CAMTA1: variants seen among roughly 807,000 people sequenced by gnomAD.
CAMTA1 encodes the protein calmodulin binding transcription activator 1.
CAMTA1 carries 27 observed loss-of-function variants against 170.9 expected under a neutral mutation model. The ratio of observed to expected loss-of-function variants is 0.16; its 90% CI spans 0.12 to 0.22. The LOEUF (loss-of-function observed/expected upper bound fraction) is 0.22. CAMTA1 is among the 10% of genes least tolerant of loss of function. The pLI, the probability that CAMTA1 is intolerant of heterozygous loss-of-function variation, is 1.00. For missense variants in CAMTA1, 1,619 were observed against 2,217.2 expected (o/e 0.73, Z 5.42); for synonymous variants, 833 against 891.5 (o/e 0.93, Z 1.17).
intron 22 of CAMTA1, among the ~76,000 whole-genome samples, chr1:7,757,182 TA>T (rs2096937469): frequency 2.0e-5 from 3 of 152,242 alleles, no homozygotes; most frequent in South Asian, 4.1e-4. Flanking sequence ...TTATTTATTA[TA>T]TTTTAACCCA....
chr1:6,863,324 T>G (rs1034861076), intron 3 of CAMTA1, among the ~76,000 whole-genome samples: 1 of 152,160 alleles, frequency 6.6e-6, no homozygotes, highest in African/African-American at 2.4e-5. Context: ...ATCTCCCCAT[T>G]CCCTCCCCAA....
intron 6 of CAMTA1, among the ~76,000 whole-genome samples, chr1:7,591,797 C>T (rs1403784926): frequency 2.0e-5 from 3 of 152,254 alleles, no homozygotes; most frequent in Non-Finnish European, 4.4e-5. Context: ...TTCCTGCAAA[C>T]AAGCCAAGCT....
At chr1:7,011,985 G>A (rs534562958) in intron 3 of CAMTA1, among the ~76,000 whole-genome samples, 11 of 152,258 alleles carry the variant, frequency 7.2e-5, no homozygotes, top group Non-Finnish European at 1.2e-4. Context: ...TGCTCAGGGG[G>A]CCCCTTCCCA....
At chr1:6,809,858 C>T (rs1644966711) in intron 1 of CAMTA1, among the ~76,000 whole-genome samples, 2 of 152,124 alleles carry the variant, frequency 1.3e-5, no homozygotes, top group African/African-American at 2.4e-5. Flanking sequence ...GTTGAGTAGA[C>T]TGAAGACTAA....
intron 3 of CAMTA1, among the ~76,000 whole-genome samples, chr1:6,969,341 G>A (rs975361498): frequency 5.9e-5 from 9 of 152,162 alleles, no homozygotes; most frequent in Admixed American, 2.0e-4. Context: ...AGCTAGAAGG[G>A]GCAAGGAACG....
At position 7,038,751 on chromosome 1, in the gene CAMTA1, T is replaced by C. The variant is rs557758643; in HGVS notation, c.235-52553T>C. ...TATTGTATGTACCCATTTATATAAA[T>C]AACAAAGGCTGGGCGTGGTGGCTCA... On this transcript the variant is annotated intron_variant, in intron 3 of 22. Coordinates refer to ENST00000303635, the MANE Select transcript of CAMTA1 (RefSeq NM_015215.4). Among the ~76,000 whole-genome samples the C allele has an allele frequency of 7.2e-5, 11 of 152,290 alleles. No homozygotes were observed. In the East Asian group the frequency reaches 1.2e-3, roughly 16 times the overall value.
intron 5 of CAMTA1, among the ~76,000 whole-genome samples, chr1:7,348,567 G>A (rs181922689): frequency 6.6e-6 from 1 of 152,218 alleles, no homozygotes; most frequent in Non-Finnish European, 1.5e-5. Flanking sequence ...CTACAAAGGC[G>A]ACTGCGTGGT....
intron 5 of CAMTA1, among the ~76,000 whole-genome samples, chr1:7,292,672 A>C (rs1343213482): frequency 6.6e-6 from 1 of 152,098 alleles, no homozygotes; most frequent in Non-Finnish European, 1.5e-5. Context: ...CCTCCTTTGA[A>C]AATTATCAAG....
At chr1:7,510,332 T>C (rs1209218) in intron 6 of CAMTA1, among the ~76,000 whole-genome samples, 42,603 of 144,294 alleles carry the variant, frequency 0.3, 11,481 homozygotes, top group Non-Finnish European at 0.41. Context: ...ATGGCTGTTT[T>C]GTTCAGCGAT....
intron 4 of CAMTA1, among the ~76,000 whole-genome samples, chr1:7,227,683 G>C (rs900118628): frequency 6.6e-6 from 1 of 152,154 alleles, no homozygotes; most frequent in Non-Finnish European, 1.5e-5. Context: ...ATGTTCCTGG[G>C]GGCTGCCTGG....
At chr1:7,705,472 T>C (rs1357108571) in intron 11 of CAMTA1, among the ~76,000 whole-genome samples, 6 of 145,422 alleles carry the variant, frequency 4.1e-5, no homozygotes, top group East Asian at 4.2e-4. Flanking sequence ...GACGCGCGCG[T>C]GTGTCTGTGT....
At position 7,647,849 on chromosome 1, in the gene CAMTA1, C is replaced by T. The variant is rs146200820; in HGVS notation, c.664+7296C>T. ...CTGTAATCCCAGCACTCTGGGTGGC[C>T]GAGGCAGGAGGGTTACTTGAGCCCA... is the stretch of plus-strand genomic sequence containing the variant. On this transcript the variant is annotated intron_variant, in intron 7 of 22. Transcript: ENST00000303635. Among the ~76,000 whole-genome samples the T allele has an allele frequency of 1.2e-3, 190 of 152,232 alleles. 1 individual carries two copies. Among genetic ancestry groups the T allele is most frequent in the Admixed American group, 5.9e-3 (90 of 15,270 alleles).
chr1:6,830,122 C>T (rs1247494763), intron 3 of CAMTA1, among the ~76,000 whole-genome samples: 5 of 151,672 alleles, frequency 3.3e-5, no homozygotes, highest in East Asian at 1.9e-4. Flanking sequence ...CTGCAAGCTC[C>T]GCCTCCCGGG....
At chr1:6,789,630 G>C (rs1334653062) in intron 1 of CAMTA1, among the ~76,000 whole-genome samples, 3 of 152,052 alleles carry the variant, frequency 2.0e-5, no homozygotes, top group Non-Finnish European at 1.5e-5. Context: ...CTTTGAATTT[G>C]CCCTTCTGGG....
At chr1:6,882,174 C>G (rs1671814719) in intron 3 of CAMTA1, among the ~76,000 whole-genome samples, 1 of 152,060 alleles carries the variant, frequency 6.6e-6, no homozygotes, top group Non-Finnish European at 1.5e-5. Flanking sequence ...ATATGAAATT[C>G]AAATTTCAGT....
At chr1:7,507,057 TCA>T (rs1445487738) in intron 6 of CAMTA1, among the ~76,000 whole-genome samples, 1 of 149,674 alleles carries the variant, frequency 6.7e-6, no homozygotes, top group Non-Finnish European at 1.5e-5. Context: ...CACTCAAAAT[TCA>T]CACTTGCTCT....
intron 4 of CAMTA1, among the ~76,000 whole-genome samples, chr1:7,127,348 C>T (rs1008840875): frequency 1.3e-5 from 2 of 150,708 alleles, no homozygotes; most frequent in African/African-American, 4.9e-5. Flanking sequence ...GCTCACCCTC[C>T]TTGAAGTCAC....
chr1:7,752,059 A>G lies in CAMTA1; in HGVS notation c.4884-400A>G, dbSNP rs191078845. ...AGCCAAGTAAAATATATTGATCAGTACATTTACAAAATAGCCCAAAGAGTG... is the reference window on the plus strand; with the variant it reads ...AGCCAAGTAAAATATATTGATCAGTGCATTTACAAAATAGCCCAAAGAGTG... On this transcript the variant is annotated intron_variant, in intron 20 of 22. Transcript: ENST00000303635. Among the ~76,000 whole-genome samples the G allele has an allele frequency of 1.4e-3, 215 of 152,354 alleles. 2 individuals are homozygous for G. The highest frequency in any genetic ancestry group is 4.8e-3 in the African/African-American group (201 of 41,582).
At chr1:7,461,547 G>T (rs1422658354) in intron 5 of CAMTA1, among the ~76,000 whole-genome samples, 8 of 152,200 alleles carry the variant, frequency 5.3e-5, no homozygotes, top group Non-Finnish European at 5.9e-5. Flanking sequence ...GTGACTAGTG[G>T]CTGCCAAGTT....
Sources: gnomAD v4.1 joint callset for allele counts (sites outside exome capture counted in the v4.1 genomes callset) on GRCh38, gnomAD v4.1.1 for gene constraint, MANE v1.5 for transcripts, NCBI Gene and HGNC (gene_info 2026-07-23, HGNC 2026-07-21) for gene names.